Variants in DDX19B observed in about 807,000 individuals in gnomAD.
DDX19B encodes ATP-dependent RNA helicase DDX19B.
DDX19B carries 27 observed loss-of-function variants against 58.1 expected under a neutral mutation model. The observed-to-expected ratio is 0.46, with a 90% CI of 0.34 to 0.64. DDX19B has a LOEUF of 0.64. DDX19B is among the 30% of genes least tolerant of loss of function. The probability of loss-of-function intolerance (pLI) is 0.01; values close to 1 mark genes in which losing one functional copy is unlikely to be tolerated. For synonymous variants in DDX19B, 187 were observed against 214.4 expected (o/e 0.87, Z 1.12); for missense variants, 399 against 596.5 (o/e 0.67, Z 3.45).
intron 5 of DDX19B, among the ~76,000 whole-genome samples, chr16:70,322,029 C>T (rs988585131): frequency 3.7e-4 from 51 of 138,262 alleles, no homozygotes; most frequent in African/African-American, 1.2e-3. Context: ...AGTGAGATTC[C>T]GTCTCAAAAA....
chr16:70,328,108 T>C (rs1963276956), intron 7 of DDX19B, among the ~76,000 whole-genome samples: 1 of 151,180 alleles, frequency 6.6e-6, no homozygotes, highest in Admixed American at 6.6e-5. Flanking sequence ...GAGCCGAGAT[T>C]GCACCACTGT....
chr16:70,290,717 C>A (rs923931040), upstream of DDX19B, among the ~76,000 whole-genome samples: 4 of 152,044 alleles, frequency 2.6e-5, no homozygotes, highest in Non-Finnish European at 4.4e-5. Context: ...TGTATTTATA[C>A]GTGAGGCATT....
intron 2 of DDX19B, among the ~76,000 whole-genome samples, chr16:70,313,436 A>G (rs1962188956): frequency 6.6e-6 from 1 of 152,098 alleles, no homozygotes; most frequent in African/African-American, 2.4e-5. Context: ...CAGGAGTGAG[A>G]TATTACACCT....
upstream of DDX19B, among the ~76,000 whole-genome samples, chr16:70,294,103 A>G (rs1052004765): frequency 3.2e-5 from 3 of 93,602 alleles, no homozygotes; most frequent in Non-Finnish European, 5.8e-5. Flanking sequence ...TTTTTTTGAG[A>G]CGGAGTCTCA....
At chr16:70,327,044 C>T (rs1195922966) in intron 7 of DDX19B, among the ~76,000 whole-genome samples, 4 of 150,772 alleles carry the variant, frequency 2.7e-5, no homozygotes, top group African/African-American at 4.9e-5. Context: ...CTGTGTTAGC[C>T]AGGATGGTCT....
intron 2 of DDX19B, among the ~76,000 whole-genome samples, chr16:70,314,489 T>C (rs1962261358): frequency 6.6e-6 from 1 of 151,798 alleles, no homozygotes; most frequent in Admixed American, 6.6e-5. Flanking sequence ...GGTGAAACCC[T>C]GTCTCTACTA....
At chr16:70,327,056 T>G (rs188098968) in intron 7 of DDX19B, among the ~76,000 whole-genome samples, 31 of 150,610 alleles carry the variant, frequency 2.1e-4, no homozygotes, top group South Asian at 4.2e-4. Context: ...GGATGGTCTC[T>G]ATCTGCTGAC....
intron 1 of DDX19B, among the ~76,000 whole-genome samples, chr16:70,305,905 C>T (rs1010069370): frequency 3.3e-5 from 5 of 151,688 alleles, no homozygotes; most frequent in African/African-American, 4.8e-5. Context: ...GGACTACAGG[C>T]GCCCACCACC....
intron 2 of DDX19B, among the ~76,000 whole-genome samples, chr16:70,313,534 G>A (rs1283445732): frequency 6.6e-6 from 1 of 152,060 alleles, no homozygotes; most frequent in Non-Finnish European, 1.5e-5. Flanking sequence ...TACTTAAGTG[G>A]GACTAATTAC....
intron 1 of DDX19B, among the ~76,000 whole-genome samples, chr16:70,301,116 C>G (rs767820461): frequency 6.6e-6 from 1 of 152,162 alleles, no homozygotes; most frequent in Non-Finnish European, 1.5e-5. Context: ...AGATTCCTTC[C>G]TCCTTTCTCT....
chr16:70,304,136 G>T (rs1238505149), intron 1 of DDX19B, among the ~76,000 whole-genome samples: 2 of 151,196 alleles, frequency 1.3e-5, no homozygotes, highest in Admixed American at 6.6e-5. Flanking sequence ...CGCCTCCGGG[G>T]TTCAAGCAAT....
At chr16:70,309,235 C>A (rs1361993336) in intron 1 of DDX19B, among the ~76,000 whole-genome samples, 2 of 152,132 alleles carry the variant, frequency 1.3e-5, no homozygotes, top group African/African-American at 4.8e-5. Flanking sequence ...GTGGCTTATG[C>A]CTGTAATCCC....
Position 70,334,070 on chromosome 16 carries a change from G to T in DDX19B, c.*488G>T. The T allele has an allele frequency of 5.5e-6, 1 of 182,544 alleles. No individual in the cohort carries two copies. The highest frequency in any genetic ancestry group is 1.2e-5 in the Non-Finnish European group (1 of 86,928). 11.3% of individuals were successfully genotyped at this position (182,544 alleles called of 1,614,324 possible). ...GTTTGGAATGGCATGAGGCAGCAGA[G>T]GAGGCCTGAGAGCTGCTGCTTTGGA... On this transcript the variant is annotated 3_prime_UTR_variant, in exon 12 of 12. Transcript: ENST00000288071.
At chr16:70,290,006 C>T (rs1022260120), upstream of DDX19B, 1 of 316,342 alleles carries the variant, frequency 3.2e-6, no homozygotes, top group Admixed American at 4.2e-5. Context: ...ATCAGTAGTT[C>T]AGGTACGATT....
intron 7 of DDX19B, among the ~76,000 whole-genome samples, chr16:70,328,914 T>C (rs1963321898): frequency 6.6e-6 from 1 of 151,832 alleles, no homozygotes. Flanking sequence ...GAGCTGGCTT[T>C]GCCTTTGAAA....
intron 7 of DDX19B, among the ~76,000 whole-genome samples, chr16:70,326,349 C>G (rs1373160003): frequency 6.6e-6 from 1 of 151,740 alleles, no homozygotes; most frequent in African/African-American, 2.4e-5. Flanking sequence ...TGGTGGCGGG[C>G]ACCTGTAGTC....
In DDX19B at chr16:70,299,200, G is replaced by C; in HGVS notation, c.-98G>C. On this transcript the variant is annotated 5_prime_UTR_variant, in exon 1 of 12. Coordinates refer to ENST00000288071, the MANE Select transcript of DDX19B (RefSeq NM_007242.7). ...GCTTCCGGTCTGCAGCCTTGTAGTG[G>C]GGCTGGAGCAGAGCCTGCCGCGAAC... 1 of 1,409,702 alleles carries C rather than the reference G, an allele frequency of 7.1e-7. No individual in the cohort carries two copies. The highest frequency in any genetic ancestry group is 1.6e-5 in the South Asian group (1 of 63,960). 87.3% of individuals were successfully genotyped at this position (1,409,702 alleles called of 1,614,324 possible). A position where few individuals can be genotyped will look rare whatever the true frequency, so the allele number is the denominator to read the frequency against.
chr16:70,317,367 C>T (rs1962487860), intron 4 of DDX19B, 129 bp from the exon 5 acceptor site: 2 of 634,702 alleles, frequency 3.2e-6, no homozygotes, highest in South Asian at 2.1e-5. Flanking sequence ...GGCAATAGAT[C>T]GAGACTCTGC....
rs1470351956 is a variant in DDX19B, at chr16:70,325,672, T to A, written c.591T>A (p.Ala197=). ...KFYPELKLAY[A]VRGNKLERGQ... ...ACCCTGAACTGAAGCTAGCTTATGCTGTTCGAGGCAATAAATGTGAGTATG... is the reference window on the plus strand; with the variant it reads ...ACCCTGAACTGAAGCTAGCTTATGCAGTTCGAGGCAATAAATGTGAGTATG... Residue 197 remains alanine (A), a synonymous_variant, in exon 7 of 12, where the codon GCT becomes GCA. Transcript: ENST00000288071. 7 of 1,611,666 alleles carry A rather than the reference T, an allele frequency of 4.3e-6. No homozygotes were observed. The highest frequency in any genetic ancestry group is 5.1e-6 in the Non-Finnish European group (6 of 1,178,716).
Sources: gnomAD v4.1 joint callset for allele counts (sites outside exome capture counted in the v4.1 genomes callset) on GRCh38, gnomAD v4.1.1 for gene constraint, MANE v1.5 for transcripts, NCBI Gene and HGNC (gene_info 2026-07-23, HGNC 2026-07-21) for gene names.